The following ABCA13 variants were observed in gnomAD, a reference collection of about 807,000 sequenced individuals.
The protein encoded by ABCA13 is ATP-binding cassette sub-family A member 13.
In ABCA13, 476 loss-of-function variants were observed where a neutral mutation model predicts 478.7. The observed-to-expected ratio is 0.99, with a 90% confidence interval of 0.92 to 1.07. ABCA13 has a LOEUF of 1.07. ABCA13 is among the 50% of genes least tolerant of loss of function. ABCA13 has a pLI of 0.00. For synonymous variants in ABCA13, 2,252 were observed against 2,158.9 expected (o/e 1.04, Z -1.20); for missense variants, 6,060 against 5,910.6 (o/e 1.03, Z -0.83).
rs914058527 is a variant in ABCA13, at chr7:48,422,711, G to A, written c.12460-5055G>A. ...GGCTGGATAATGGTCCCCCAGCGAC[G>A]TCCACGTCCTTATCACTGAAGCCTG... On this transcript the variant is annotated intron_variant, in intron 41 of 61. Coordinates refer to ENST00000435803, the MANE Select transcript of ABCA13 (RefSeq NM_152701.5). Among the ~76,000 whole-genome samples, 22 of 152,228 alleles carry A rather than the reference G, an allele frequency of 1.4e-4. No homozygotes were observed. In the South Asian group the frequency reaches 2.7e-3, roughly 19 times the overall value.
intron 19 of ABCA13, among the ~76,000 whole-genome samples, chr7:48,282,880 T>C (rs1797239162): frequency 6.6e-6 from 1 of 152,206 alleles, no homozygotes. Flanking sequence ...TATTGATCAC[T>C]ACAAACCTGG....
chr7:48,309,325 A>G (rs979869839), intron 23 of ABCA13, among the ~76,000 whole-genome samples: 1 of 152,058 alleles, frequency 6.6e-6, no homozygotes, highest in African/African-American at 2.4e-5. Context: ...GGCATATCAC[A>G]AATGTCCTTA....
intron 27 of ABCA13, among the ~76,000 whole-genome samples, chr7:48,333,480 T>C (rs1287670673): frequency 4.6e-5 from 7 of 152,172 alleles, no homozygotes; most frequent in Non-Finnish European, 7.3e-5. Flanking sequence ...ATTCTAGTTG[T>C]CTTTTCTTTG....
Position 48,268,737 on chromosome 7 carries a change from C to T in ABCA13, c.2006-243C>T, listed in dbSNP as rs181306221. Reference sequence around the variant, plus strand: ...AGCAAGCTGGGATAATCATAGGTCTCGCTCTGTTGTTTACTGCCTTTCATG... The same window carrying T: ...AGCAAGCTGGGATAATCATAGGTCTTGCTCTGTTGTTTACTGCCTTTCATG... On this transcript the variant is annotated intron_variant, in intron 15 of 61. Coordinates refer to ENST00000435803, the MANE Select transcript of ABCA13 (RefSeq NM_152701.5). Among the ~76,000 whole-genome samples, 695 of 151,258 alleles carry T rather than the reference C, an allele frequency of 4.6e-3. 4 individuals are homozygous for T. The highest frequency in any genetic ancestry group is 6.2e-3 in the Non-Finnish European group (419 of 67,990).
chr7:48,609,807 A>C (rs1407504294), intron 58 of ABCA13, among the ~76,000 whole-genome samples: 1 of 152,084 alleles, frequency 6.6e-6, no homozygotes, highest in Non-Finnish European at 1.5e-5. Flanking sequence ...GGTGCTACAC[A>C]TTTGTTAACA....
At chr7:48,551,784 C>G (rs1785347564) in intron 55 of ABCA13, among the ~76,000 whole-genome samples, 1 of 151,610 alleles carries the variant, frequency 6.6e-6, no homozygotes, top group Admixed American at 6.6e-5. Context: ...TGTCCTGATT[C>G]CCTGACTACC....
At position 48,298,520 on chromosome 7, in the gene ABCA13, T is replaced by C; in HGVS notation, c.9321+33T>C. On this transcript the variant is annotated intron_variant, in intron 23 of 61. Coordinates refer to ENST00000435803, the MANE Select transcript of ABCA13 (RefSeq NM_152701.5). ...GCTGTTTCTTGTCTGTCTGTTTTGCTCATGGAAGGAGCCTTAGCCTGAAGT... is the reference window on the plus strand; with the variant it reads ...GCTGTTTCTTGTCTGTCTGTTTTGCCCATGGAAGGAGCCTTAGCCTGAAGT... The C allele has an allele frequency of 1.3e-6, 2 of 1,599,802 alleles. 1 individual carries two copies. Among genetic ancestry groups the C allele is most frequent in the East Asian group, 4.5e-5 (2 of 44,622 alleles).
At position 48,352,445 on chromosome 7, in the gene ABCA13, C is replaced by T; in HGVS notation, c.10646C>T (p.Ala3549Val). ...GGGCAGGAAGCCCTGGAACCAGCAG[C>T]ACAGACTCAGGCGGCCCCTTACCCC... ...QTGQEALEPA[A>V]QTQAAPYPCH... is the part of the protein sequence containing the mutation. The change falls in exon 31 of 62, where the codon GCA becomes GTA. Residue 3549 changes from alanine (A) to valine (V), a missense_variant. This residue lies in a region of ABCA13 where 4,423 missense variants were observed against 4,309.1 expected (regional missense o/e 1.03). Transcript: ENST00000435803. 6.2e-7 allele frequency: 1 copy of T among 1,612,366 alleles called. No homozygotes were observed.
intron 37 of ABCA13, 132 bp from the exon 38 acceptor site, chr7:48,391,789 G>T (rs1285063288): frequency 1.2e-5 from 9 of 774,158 alleles, no homozygotes; most frequent in Non-Finnish European, 1.5e-5. Context: ...TTAACTGATT[G>T]TGTAAAAACC....
intron 41 of ABCA13, among the ~76,000 whole-genome samples, chr7:48,427,271 T>C (rs1821557557): frequency 6.6e-6 from 1 of 152,236 alleles, no homozygotes; most frequent in Non-Finnish European, 1.5e-5. Flanking sequence ...TCAAGCAAGT[T>C]ATTTGATTAA....
rs1370220113 is a variant in ABCA13 at position 48,389,236 on chromosome 7, C to A, written c.11654+16C>A. On this transcript the variant is annotated intron_variant, in intron 37 of 61. Coordinates refer to ENST00000435803, the MANE Select transcript of ABCA13 (RefSeq NM_152701.5). ...CCACTATCATGTGGGTCCCATTTTA[C>A]CCTTATCAAACACTGGGCATTTGAT... The A allele has an allele frequency of 6.3e-7, 1 of 1,599,874 alleles. No individual in the cohort carries two copies. The highest frequency in any genetic ancestry group is 1.1e-5 in the South Asian group (1 of 89,692).
chr7:48,238,758 G>A (rs1482721407), intron 8 of ABCA13, among the ~76,000 whole-genome samples: 3 of 152,308 alleles, frequency 2.0e-5, no homozygotes, highest in South Asian at 2.1e-4. Flanking sequence ...GTGAGCCACC[G>A]TGCCCAGCCA....
chr7:48,496,799 T>G (rs931008912), intron 48 of ABCA13, among the ~76,000 whole-genome samples: 2 of 152,170 alleles, frequency 1.3e-5, no homozygotes, highest in African/African-American at 4.8e-5. Context: ...TAGAAATCCA[T>G]TACTATTCTA....
chr7:48,315,087 A>C (rs570211960), intron 26 of ABCA13, among the ~76,000 whole-genome samples: 2 of 152,280 alleles, frequency 1.3e-5, no homozygotes, highest in East Asian at 1.9e-4. Context: ...ACATTGTTTT[A>C]TGTGTCTGCA....
At chr7:48,382,793 A>G (rs1023735528) in intron 35 of ABCA13, among the ~76,000 whole-genome samples, 30 of 151,560 alleles carry the variant, frequency 2.0e-4, no homozygotes, top group Non-Finnish European at 4.4e-5. Flanking sequence ...CTGTACTAGA[A>G]TGAAGGTCAT....
In ABCA13 at chr7:48,376,478, A is replaced by AG. The variant is rs1241241724; in HGVS notation, c.11246dup (p.Met3750HisfsTer13). ...ATAATATGTACCAGGCTCTGGAACA[A>AG]GGGGGCATGACATTTGGCTGGGTTT... On this transcript the variant is annotated frameshift_variant, in exon 35 of 62. Coordinates refer to ENST00000435803, the MANE Select transcript of ABCA13 (RefSeq NM_152701.5). LOFTEE classifies it high-confidence loss of function. The AG allele has an allele frequency of 6.2e-7, 1 of 1,613,900 alleles. No individual in the cohort carries two copies. Among genetic ancestry groups the AG allele is most frequent in the Admixed American group, 1.7e-5 (1 of 60,030 alleles).
intron 1 of ABCA13, among the ~76,000 whole-genome samples, chr7:48,190,447 C>G (rs1796950190): frequency 6.6e-6 from 1 of 152,098 alleles, no homozygotes; most frequent in Non-Finnish European, 1.5e-5. Context: ...CTTTGATGGC[C>G]TTTACCTTTT....
Position 48,428,003 on chromosome 7 carries a change from G to C in ABCA13, c.12565+132G>C, listed in dbSNP as rs995973985. 4.0e-5 allele frequency: 22 copies of C among 547,592 alleles called. No individual in the cohort carries two copies. In the Admixed American group the frequency reaches 6.3e-4, roughly 16 times the overall value. 33.9% of individuals were successfully genotyped at this position (547,592 alleles called of 1,614,324 possible). Reference sequence around the variant, plus strand: ...AGGAGATGTGAGTGTATAGTGAGGGGGCAAGTAAATACAGGTCAGAGGCAA... The same window carrying C: ...AGGAGATGTGAGTGTATAGTGAGGGCGCAAGTAAATACAGGTCAGAGGCAA... On this transcript the variant is annotated intron_variant, in intron 42 of 61. Coordinates refer to ENST00000435803, the MANE Select transcript of ABCA13 (RefSeq NM_152701.5).
chr7:48,390,395 T>C (rs555221137), intron 37 of ABCA13, among the ~76,000 whole-genome samples: 1 of 152,314 alleles, frequency 6.6e-6, no homozygotes, highest in South Asian at 2.1e-4. Context: ...CTTTGAGACT[T>C]CTAGGGAATG....
Sources: allele counts gnomAD v4.1 joint callset (sites outside exome capture counted in the v4.1 genomes callset), GRCh38; gene constraint gnomAD v4.1.1; regional missense constraint gnomAD v4.1.1; transcripts MANE v1.5; gene names NCBI Gene and HGNC (gene_info 2026-07-23, HGNC 2026-07-21).